KDM4C: variants seen among roughly 807,000 people sequenced by gnomAD.
KDM4C encodes the protein lysine demethylase 4C, also known as lysine-specific demethylase 4C.
KDM4C carries 81 observed loss-of-function variants against 129.3 expected under a neutral mutation model. That is an observed-to-expected ratio of 0.63 (90% confidence interval 0.52 to 0.75). KDM4C has a LOEUF of 0.75. KDM4C is among the 30% of genes least tolerant of loss of function. KDM4C has a pLI of 0.00. For missense variants in KDM4C, 1,457 were observed against 1,304.0 expected, an observed-to-expected ratio of 1.12 and a Z score of -1.81; for synonymous variants, 573 against 456.1, an observed-to-expected ratio of 1.26 and a Z score of -3.26.
intron 17 of KDM4C, among the ~76,000 whole-genome samples, chr9:7,065,021 G>T (rs1832229023): frequency 6.6e-6 from 1 of 152,202 alleles, no homozygotes; most frequent in Admixed American, 6.5e-5. Flanking sequence ...AGGAAGTCCA[G>T]TGTTCTAGTG....
chr9:6,912,836 C>CT lies in KDM4C; in HGVS notation c.921+19611dup, dbSNP rs549154821. ...GTGTTACCATGTGTGTTTTTTAATC[C>CT]TTTTTTTAACTACTTTTGATAAAGA... On this transcript the variant is annotated intron_variant, in intron 8 of 21. Transcript: ENST00000381309. Among the ~76,000 whole-genome samples, 40 of 151,946 alleles carry CT rather than the reference C, an allele frequency of 2.6e-4. 1 individual carries two copies. The highest frequency in any genetic ancestry group is 7.0e-4 in the African/African-American group (29 of 41,454).
chr9:6,832,724 C>CTT (rs35060245), intron 4 of KDM4C, among the ~76,000 whole-genome samples: 12 of 119,512 alleles, frequency 1.0e-4, no homozygotes, highest in South Asian at 5.6e-4. Context: ...TGTGCCCGGC[C>CTT]TTTTTTTTTT....
chr9:7,014,245 G>C, intron 14 of KDM4C: 1 of 420,272 alleles, frequency 2.4e-6, no homozygotes, highest in South Asian at 4.7e-5. Flanking sequence ...GTTTGTTTGG[G>C]GTCCAGTTGA....
chr9:7,115,571 C>A (rs993685933), intron 18 of KDM4C, among the ~76,000 whole-genome samples: 10 of 152,058 alleles, frequency 6.6e-5, no homozygotes, highest in African/African-American at 2.4e-4. Flanking sequence ...AATTAGATGC[C>A]ATAGCCGTAA....
chr9:6,740,923 G>A (rs1275232034), intron 1 of KDM4C, among the ~76,000 whole-genome samples: 1 of 151,390 alleles, frequency 6.6e-6, no homozygotes, highest in Admixed American at 6.6e-5. Context: ...TGCCTCCCAG[G>A]TTCAAGTGAT....
At chr9:6,887,863 C>A in intron 6 of KDM4C, 97 bp from the exon 7 acceptor site, 1 of 763,666 alleles carries the variant, frequency 1.3e-6, no homozygotes, top group Non-Finnish European at 2.3e-6. Context: ...TTGCATAAGT[C>A]AAACAGTAAG....
At chr9:6,962,753 C>T (rs1270781047) in intron 8 of KDM4C, among the ~76,000 whole-genome samples, 1 of 152,032 alleles carries the variant, frequency 6.6e-6, no homozygotes, top group South Asian at 2.1e-4. Flanking sequence ...GATTATAATA[C>T]TTAAATGCAT....
At chr9:6,905,579 T>TA (rs1818171751) in intron 8 of KDM4C, among the ~76,000 whole-genome samples, 1 of 152,224 alleles carries the variant, frequency 6.6e-6, no homozygotes, top group Non-Finnish European at 1.5e-5. Flanking sequence ...TCCTAAGCCC[T>TA]AAAATGATTC....
At chr9:6,812,053 C>G (rs1022971258) in intron 3 of KDM4C, among the ~76,000 whole-genome samples, 3 of 151,974 alleles carry the variant, frequency 2.0e-5, no homozygotes, top group African/African-American at 7.2e-5. Context: ...ATGGACAATA[C>G]CAAACTTTAT....
chr9:6,766,656 G>T (rs1028104289), intron 1 of KDM4C, among the ~76,000 whole-genome samples: 26 of 152,194 alleles, frequency 1.7e-4, no homozygotes, highest in Admixed American at 7.8e-4. Context: ...GCTTGTGTCT[G>T]CTCATTAGGG....
At chr9:6,955,150 A>G (rs1335998924) in intron 8 of KDM4C, among the ~76,000 whole-genome samples, 3 of 152,226 alleles carry the variant, frequency 2.0e-5, no homozygotes, top group Admixed American at 6.5e-5. Context: ...CTTCCAGACT[A>G]GAGCCAAGAT....
intron 1 of KDM4C, among the ~76,000 whole-genome samples, chr9:6,740,351 C>G (rs899588851): frequency 6.6e-5 from 10 of 151,508 alleles, no homozygotes; most frequent in Non-Finnish European, 1.2e-4. Flanking sequence ...CTACAGGCGC[C>G]CGTCACCCCA....
At chr9:6,921,881 A>T (rs1031740187) in intron 8 of KDM4C, among the ~76,000 whole-genome samples, 1 of 151,972 alleles carries the variant, frequency 6.6e-6, no homozygotes, top group African/African-American at 2.4e-5. Flanking sequence ...TAGGTCCCCC[A>T]GGTTCCATGA....
chr9:6,844,656 CAA>C (rs1392655005), intron 4 of KDM4C, among the ~76,000 whole-genome samples: 1 of 152,188 alleles, frequency 6.6e-6, no homozygotes, highest in African/African-American at 2.4e-5. Context: ...TTAAAGAGGA[CAA>C]AGTTTTTCGA....
intron 1 of KDM4C, among the ~76,000 whole-genome samples, chr9:6,770,054 C>G (rs1409846869): frequency 1.3e-5 from 2 of 152,132 alleles, no homozygotes; most frequent in African/African-American, 4.8e-5. Context: ...TGGGGCATGC[C>G]TGTAACCCCA....
At chr9:7,005,136 A>G (rs1359802300) in intron 12 of KDM4C, among the ~76,000 whole-genome samples, 1 of 152,130 alleles carries the variant, frequency 6.6e-6, no homozygotes, top group Non-Finnish European at 1.5e-5. Flanking sequence ...AAAGGTTAGC[A>G]TTAAGACCCC....
At chr9:6,953,297 G>T (rs1490468133) in intron 8 of KDM4C, among the ~76,000 whole-genome samples, 1 of 152,170 alleles carries the variant, frequency 6.6e-6, no homozygotes, top group Non-Finnish European at 1.5e-5. Context: ...CAGCAGTTTT[G>T]ATTCTCATGG....
intron 15 of KDM4C, among the ~76,000 whole-genome samples, chr9:7,028,927 CGTT>C (rs1826263249): frequency 6.6e-6 from 1 of 150,578 alleles, no homozygotes; most frequent in Non-Finnish European, 1.5e-5. Context: ...GGAGGGGCGG[CGTT>C]GGTGATTCAA....
At chr9:7,063,349 C>T (rs1831978540) in intron 17 of KDM4C, among the ~76,000 whole-genome samples, 1 of 152,188 alleles carries the variant, frequency 6.6e-6, no homozygotes, top group African/African-American at 2.4e-5. Context: ...TTGACTGTGA[C>T]TGTCACTTCC....
Sources: allele counts gnomAD v4.1 joint callset (sites outside exome capture counted in the v4.1 genomes callset), GRCh38; gene constraint gnomAD v4.1.1; transcripts MANE v1.5; gene names NCBI Gene and HGNC (gene_info 2026-07-23, HGNC 2026-07-21).